PLXNA4: variants seen among roughly 807,000 people sequenced by gnomAD.
PLXNA4 encodes plexin A4.
Under a neutral mutation model 191.8 loss-of-function variants are expected in PLXNA4, and 44 were observed. The observed-to-expected ratio is 0.23, with a 90% CI of 0.18 to 0.29. The LOEUF (loss-of-function observed/expected upper bound fraction) is 0.29, where lower values mean the gene tolerates loss of function less well. Ranked by LOEUF, PLXNA4 falls within the 10% of genes least tolerant of loss-of-function variation. The pLI is 1.00. For missense variants in PLXNA4, 1,800 were observed against 2,488.8 expected, an observed-to-expected ratio of 0.72 and a Z score of 5.89; for synonymous variants, 1,082 against 1,009.5, an observed-to-expected ratio of 1.07 and a Z score of -1.36.
intron 1 of PLXNA4, among the ~76,000 whole-genome samples, chr7:132,555,058 A>AAAAAAAAAAAAAACC (rs1310557370): frequency 6.8e-6 from 1 of 146,254 alleles, no homozygotes; most frequent in South Asian, 2.2e-4. Context: ...AAAAAAAAAC[A>AAAAAAAAAAAAAACC]AAAAAAAAAC....
chr7:132,329,969 T>C (rs765609375), intron 3 of PLXNA4, among the ~76,000 whole-genome samples: 5 of 152,214 alleles, frequency 3.3e-5, no homozygotes, highest in Non-Finnish European at 5.9e-5. Flanking sequence ...GTACCCTGTC[T>C]AAGAGACCTT....
chr7:132,191,597 C>T (rs973146251), intron 14 of PLXNA4, among the ~76,000 whole-genome samples: 3 of 152,122 alleles, frequency 2.0e-5, no homozygotes, highest in Admixed American at 2.0e-4. Flanking sequence ...GGATCACTGC[C>T]AAGAACCTCA....
In PLXNA4 at chr7:132,371,659, G is replaced by A. The variant is rs75115980; in HGVS notation, c.1372-73437C>T. Among the ~76,000 whole-genome samples, 529 of 152,204 alleles carry A rather than the reference G, an allele frequency of 3.5e-3. 2 individuals are homozygous for A. Among genetic ancestry groups the A allele is most frequent in the African/African-American group, 0.012 (500 of 41,532 alleles). On this transcript the variant is annotated intron_variant, in intron 3 of 31. Coordinates refer to ENST00000321063, the MANE Select transcript of PLXNA4 (RefSeq NM_020911.2). ...GGGAGCCTTAAACTCGAGTGGGGACGGAGACAGTGGCCAAAGATGTTCACA... is the reference window on the plus strand; with the variant it reads ...GGGAGCCTTAAACTCGAGTGGGGACAGAGACAGTGGCCAAAGATGTTCACA...
intron 3 of PLXNA4, among the ~76,000 whole-genome samples, chr7:132,315,906 G>A (rs1028740319): frequency 1.4e-4 from 21 of 152,186 alleles, no homozygotes; most frequent in African/African-American, 4.8e-4. Flanking sequence ...TTGGGGGCAT[G>A]GTGGGAGGGA....
chr7:132,302,977 A>G (rs1197787142), intron 3 of PLXNA4, among the ~76,000 whole-genome samples: 1 of 152,076 alleles, frequency 6.6e-6, no homozygotes, highest in Non-Finnish European at 1.5e-5. Context: ...CCTGGGTTCA[A>G]GCGATTCTCC....
chr7:132,538,048 G>A (rs545750776), intron 1 of PLXNA4, among the ~76,000 whole-genome samples: 3 of 152,204 alleles, frequency 2.0e-5, no homozygotes, highest in Non-Finnish European at 2.9e-5. Flanking sequence ...CCAAGAAAAG[G>A]ATCAGACAAT....
chr7:132,247,213 A>G (rs924612626), intron 4 of PLXNA4, among the ~76,000 whole-genome samples: 1 of 152,214 alleles, frequency 6.6e-6, no homozygotes, highest in Admixed American at 6.5e-5. Context: ...CAGATATAGC[A>G]TGCAGTCTCT....
chr7:132,639,067 C>A (rs1349049676), intron 2 of PLXNA4, among the ~76,000 whole-genome samples: 1 of 152,188 alleles, frequency 6.6e-6, no homozygotes, highest in Non-Finnish European at 1.5e-5. Context: ...TCTGCAGCAT[C>A]TGGGTTATAT....
chr7:132,608,628 C>T (rs1262178331), intron 2 of PLXNA4, among the ~76,000 whole-genome samples: 1 of 152,166 alleles, frequency 6.6e-6, no homozygotes, highest in Non-Finnish European at 1.5e-5. Flanking sequence ...TCTCTCCTCT[C>T]ATGGAGACTT....
chr7:132,524,265 A>C (rs1198207046), intron 1 of PLXNA4, among the ~76,000 whole-genome samples: 3 of 152,160 alleles, frequency 2.0e-5, no homozygotes, highest in Admixed American at 2.0e-4. Flanking sequence ...CTAGAATTTG[A>C]TGCTTATTTT....
At chr7:132,460,623 G>A (rs1796472330) in intron 3 of PLXNA4, among the ~76,000 whole-genome samples, 1 of 152,126 alleles carries the variant, frequency 6.6e-6, no homozygotes, top group Admixed American at 6.5e-5. Context: ...GACTGGAAAA[G>A]TCAAACCTAG....
chr7:132,339,123 C>T (rs910411433), intron 3 of PLXNA4, among the ~76,000 whole-genome samples: 7 of 152,132 alleles, frequency 4.6e-5, no homozygotes, highest in Non-Finnish European at 8.8e-5. Flanking sequence ...GTGATTATTC[C>T]GCTAGTAAAT....
At chr7:132,247,811 T>G (rs1008865208) in intron 4 of PLXNA4, among the ~76,000 whole-genome samples, 11 of 152,202 alleles carry the variant, frequency 7.2e-5, no homozygotes, top group African/African-American at 2.7e-4. Context: ...CTGTGCTTAT[T>G]TCAAGTCACT....
At chr7:132,223,916 T>A (rs1312915491) in intron 8 of PLXNA4, among the ~76,000 whole-genome samples, 1 of 152,016 alleles carries the variant, frequency 6.6e-6, no homozygotes, top group Non-Finnish European at 1.5e-5. Flanking sequence ...GATAACATCC[T>A]CCTTTTCAAA....
In PLXNA4 at chr7:132,203,305, G is replaced by A; in HGVS notation, c.2395+18C>T. On this transcript the variant is annotated intron_variant, in intron 11 of 31. Transcript: ENST00000321063. ...TCCCTTCCCCTCCCTCCCCTGCTAG[G>A]CCCCAGCCCTTCCACACCTTTATTC... is the stretch of plus-strand genomic sequence containing the variant. 5 of 1,407,736 alleles carry A rather than the reference G, an allele frequency of 3.6e-6. No individual in the cohort carries two copies. The highest frequency in any genetic ancestry group is 4.8e-6 in the Non-Finnish European group (5 of 1,034,598). The allele number at this position is 1,407,736 out of a possible 1,614,324, so 87.2% of individuals were successfully genotyped here.
intron 3 of PLXNA4, among the ~76,000 whole-genome samples, chr7:132,400,242 A>C (rs1585084263): frequency 6.6e-6 from 1 of 152,320 alleles, no homozygotes; most frequent in Non-Finnish European, 1.5e-5. Flanking sequence ...TAACATCCTC[A>C]GATTAAGGTC....
At chr7:132,522,674 A>C (rs1054323920) in intron 1 of PLXNA4, among the ~76,000 whole-genome samples, 1 of 152,238 alleles carries the variant, frequency 6.6e-6, no homozygotes, top group African/African-American at 2.4e-5. Flanking sequence ...CAGGAGGCTA[A>C]GGCAGGAAGA....
intron 1 of PLXNA4, among the ~76,000 whole-genome samples, chr7:132,510,986 C>T (rs764090504): frequency 6.6e-6 from 1 of 152,062 alleles, no homozygotes; most frequent in Non-Finnish European, 1.5e-5. Flanking sequence ...GCAAAGGCCC[C>T]CAGAGAGGAG....
intron 3 of PLXNA4, among the ~76,000 whole-genome samples, chr7:132,414,450 C>G (rs1041618111): frequency 1.2e-4 from 18 of 152,116 alleles, no homozygotes; most frequent in African/African-American, 4.3e-4. Flanking sequence ...AACCCCAAAC[C>G]ATCAGAGGAG....
Sources: allele counts gnomAD v4.1 joint callset (sites outside exome capture counted in the v4.1 genomes callset), GRCh38; gene constraint gnomAD v4.1.1; transcripts MANE v1.5; gene names NCBI Gene and HGNC (gene_info 2026-07-23, HGNC 2026-07-21).